Variants in SSH2 observed in about 807,000 individuals in gnomAD.
SSH2 encodes the protein slingshot protein phosphatase 2, also known as protein phosphatase Slingshot homolog 2.
A neutral mutation model predicts 135.2 loss-of-function variants in SSH2; 37 were observed. The ratio of observed to expected loss-of-function variants is 0.27; its 90% confidence interval spans 0.21 to 0.36. The LOEUF is 0.36. Among genes scored for constraint, SSH2 ranks in the 10% least tolerant of loss-of-function variants. The pLI is 1.00. For synonymous variants in SSH2, 628 were observed against 646.2 expected (o/e 0.97, Z 0.43); for missense variants, 1,408 against 1,765.3 (o/e 0.80, Z 3.63).
At chr17:29,716,885 A>G (rs2039642653) in intron 3 of SSH2, among the ~76,000 whole-genome samples, 1 of 152,078 alleles carries the variant, frequency 6.6e-6, no homozygotes, top group South Asian at 2.1e-4. Flanking sequence ...CCAGTGATAG[A>G]TCCTAAAGAC....
rs746213134 is a variant in SSH2, at chr17:29,631,144, A to G, written c.4050T>C (p.Phe1350=). The change falls in exon 16 of 16, where the codon TTT becomes TTC. Residue 1350 remains phenylalanine, a synonymous_variant. Transcript: ENST00000540801. ...APHNPEPTKS[F]VEQLTTTECI... Reference sequence around the variant, plus strand: ...ACTCTGTTGTTGTGAGTTGTTCTACAAAAGACTTGGTGGGCTCTGGGTTGT... The same window carrying G: ...ACTCTGTTGTTGTGAGTTGTTCTACGAAAGACTTGGTGGGCTCTGGGTTGT... 2.5e-6 allele frequency: 4 copies of G among 1,614,068 alleles called. No homozygotes were observed. Among genetic ancestry groups the G allele is most frequent in the African/African-American group, 2.7e-5 (2 of 74,906 alleles).
At chr17:29,749,770 A>G (rs2040871504) in intron 3 of SSH2, among the ~76,000 whole-genome samples, 1 of 152,214 alleles carries the variant, frequency 6.6e-6, no homozygotes, top group Admixed American at 6.5e-5. Flanking sequence ...CTCTGTTGCC[A>G]GGCTGGAGTA....
chr17:29,907,845 A>C (rs1273470752), intron 1 of SSH2, among the ~76,000 whole-genome samples: 1 of 142,938 alleles, frequency 7.0e-6, no homozygotes, highest in Non-Finnish European at 1.5e-5. Flanking sequence ...TTGAGACAGG[A>C]TCTCACTCTG....
At chr17:29,895,194 CATT>C (rs1241813063) in intron 1 of SSH2, among the ~76,000 whole-genome samples, 12 of 141,784 alleles carry the variant, frequency 8.5e-5, no homozygotes, top group Non-Finnish European at 1.7e-4. Flanking sequence ...ATTTTATATA[CATT>C]ATATTATATA....
At chr17:29,708,993 AATATATATAT>A (rs374708601) in intron 3 of SSH2, among the ~76,000 whole-genome samples, 1 of 65,822 alleles carries the variant, frequency 1.5e-5, no homozygotes, top group African/African-American at 5.8e-5. Flanking sequence ...CTAGTTAAGA[AATATATATAT>A]ATATATATAT....
intron 4 of SSH2, among the ~76,000 whole-genome samples, chr17:29,696,779 A>G (rs4795518): frequency 1 from 150,770 of 150,772 alleles, 75,384 homozygotes; most frequent in Middle Eastern, 1. Flanking sequence ...CCGCCTCCCA[A>G]GTTCACATCA....
chr17:29,691,630 A>G (rs1438860811), intron 5 of SSH2, among the ~76,000 whole-genome samples: 1 of 151,738 alleles, frequency 6.6e-6, no homozygotes, highest in Non-Finnish European at 1.5e-5. Context: ...AGCTGGGACT[A>G]CAGGCACCTG....
chr17:29,672,343 T>A (rs1332766105), intron 8 of SSH2, among the ~76,000 whole-genome samples: 3 of 152,102 alleles, frequency 2.0e-5, no homozygotes, highest in Non-Finnish European at 4.4e-5. Context: ...TGATGCATCA[T>A]TAAGGTAGGG....
At chr17:29,659,461 A>G (rs1362211579) in intron 11 of SSH2, among the ~76,000 whole-genome samples, 2 of 152,186 alleles carry the variant, frequency 1.3e-5, no homozygotes, top group Admixed American at 6.5e-5. Flanking sequence ...GCAACTTTTC[A>G]TTGTTTAAGA....
At chr17:29,852,238 C>T (rs914036231) in intron 1 of SSH2, among the ~76,000 whole-genome samples, 3 of 151,518 alleles carry the variant, frequency 2.0e-5, no homozygotes, top group Non-Finnish European at 2.9e-5. Context: ...GCCAAGATCA[C>T]GCCACCAGAA....
chr17:29,848,143 G>A (rs1308737187), intron 2 of SSH2, among the ~76,000 whole-genome samples: 2 of 152,136 alleles, frequency 1.3e-5, no homozygotes, highest in African/African-American at 2.4e-5. Context: ...ATCACTACTA[G>A]GCCATTCAAT....
intron 1 of SSH2, among the ~76,000 whole-genome samples, chr17:29,853,671 C>T (rs1158755804): frequency 1.3e-5 from 2 of 151,888 alleles, no homozygotes; most frequent in Admixed American, 1.3e-4. Context: ...CTGCCACCTA[C>T]TAGCAGTGTG....
At chr17:29,722,010 C>T (rs2039837851) in intron 3 of SSH2, among the ~76,000 whole-genome samples, 2 of 152,162 alleles carry the variant, frequency 1.3e-5, no homozygotes, top group African/African-American at 4.8e-5. Context: ...GATGCAGTGG[C>T]TCACGCCTGT....
intron 12 of SSH2, among the ~76,000 whole-genome samples, chr17:29,652,304 A>C (rs1418714506): frequency 6.6e-6 from 1 of 152,244 alleles, no homozygotes; most frequent in African/African-American, 2.4e-5. Context: ...AAATGGTCAC[A>C]GCAGCATTAT....
At chr17:29,910,429 C>CA (rs2066745822) in intron 1 of SSH2, among the ~76,000 whole-genome samples, 1 of 152,184 alleles carries the variant, frequency 6.6e-6, no homozygotes, top group Admixed American at 6.5e-5. Flanking sequence ...ACATATGATT[C>CA]ATTAATTTGA....
intron 3 of SSH2, among the ~76,000 whole-genome samples, chr17:29,707,606 A>T (rs1337623156): frequency 2.0e-5 from 3 of 151,696 alleles, no homozygotes; most frequent in Non-Finnish European, 4.4e-5. Context: ...GCTCACTGCA[A>T]CCTCTGCCTC....
chr17:29,882,176 T>TC (rs1371333948), intron 1 of SSH2, among the ~76,000 whole-genome samples: 7 of 152,346 alleles, frequency 4.6e-5, no homozygotes, highest in Middle Eastern at 3.4e-3. Context: ...CTGGAGCATA[T>TC]TACTGATGGA....
intron 1 of SSH2, among the ~76,000 whole-genome samples, chr17:29,902,665 T>C (rs912614503): frequency 6.6e-6 from 1 of 152,060 alleles, no homozygotes; most frequent in African/African-American, 2.4e-5. Context: ...TGGCTAAAAA[T>C]ATTCTTCAAT....
intron 3 of SSH2, among the ~76,000 whole-genome samples, chr17:29,743,332 T>A (rs1167322245): frequency 6.6e-6 from 1 of 152,190 alleles, no homozygotes; most frequent in African/African-American, 2.4e-5. Context: ...AAGTTATTTA[T>A]AAGATTGCCA....
Sources: allele counts gnomAD v4.1 joint callset (sites outside exome capture counted in the v4.1 genomes callset), GRCh38; gene constraint gnomAD v4.1.1; transcripts MANE v1.5; gene names NCBI Gene and HGNC (gene_info 2026-07-23, HGNC 2026-07-21).